LHFPL3: variants seen among roughly 807,000 people sequenced by gnomAD.
LHFPL3 encodes LHFPL tetraspan subfamily member 3 protein.
LHFPL3 carries 5 observed loss-of-function variants against 19.3 expected under a neutral mutation model. The observed-to-expected ratio is 0.26, with a 90% CI of 0.14 to 0.54. The LOEUF is 0.54. Ranked by LOEUF, LHFPL3 falls within the 20% of genes least tolerant of loss-of-function variation. The pLI is 0.94. For synonymous variants in LHFPL3, 133 were observed against 126.2 expected (o/e 1.05, Z -0.36); for missense variants, 249 against 307.4 (o/e 0.81, Z 1.42).
At chr7:104,435,145 T>G (rs1430801429) in intron 1 of LHFPL3, among the ~76,000 whole-genome samples, 2 of 152,026 alleles carry the variant, frequency 1.3e-5, no homozygotes, top group African/African-American at 4.8e-5. Context: ...AATGTTCTCT[T>G]TATTATTTAT....
intron 2 of LHFPL3, among the ~76,000 whole-genome samples, chr7:104,836,634 A>G (rs889110384): frequency 6.6e-6 from 1 of 152,204 alleles, no homozygotes; most frequent in African/African-American, 2.4e-5. Flanking sequence ...TATCAGGGCT[A>G]CGGTGCCATG....
At chr7:104,824,423 T>C (rs1299976113) in intron 2 of LHFPL3, among the ~76,000 whole-genome samples, 3 of 59,550 alleles carry the variant, frequency 5.0e-5, no homozygotes, top group African/African-American at 7.0e-5. Context: ...ATTTTATATA[T>C]AATATATATA....
intron 1 of LHFPL3, among the ~76,000 whole-genome samples, chr7:104,603,557 A>G (rs1307477599): frequency 6.6e-6 from 1 of 152,150 alleles, no homozygotes; most frequent in Non-Finnish European, 1.5e-5. Flanking sequence ...CCAAAGTCTC[A>G]TCTAAATCAG....
In LHFPL3 at chr7:104,726,554, C is replaced by G. The variant is rs528047297; in HGVS notation, c.446-10121C>G. Among the ~76,000 whole-genome samples the G allele has an allele frequency of 3.3e-5, 5 of 152,244 alleles. No homozygotes were observed. The South Asian group carries it at 1.0e-3, about 32-fold the overall frequency. ...GTGTCTATGTGTTCACATTGTTCAA[C>G]TCCTGCTTGTAAGTGAGACCATGCA... On this transcript the variant is annotated intron_variant, in intron 1 of 2. Transcript: ENST00000424859.
At chr7:104,597,570 G>A (rs193183325) in intron 1 of LHFPL3, among the ~76,000 whole-genome samples, 1 of 152,280 alleles carries the variant, frequency 6.6e-6, no homozygotes, top group East Asian at 1.9e-4. Context: ...ATGGTGGGGG[G>A]AGGGGAATGT....
intron 2 of LHFPL3, among the ~76,000 whole-genome samples, chr7:104,856,936 G>A (rs1791516958): frequency 6.6e-6 from 1 of 152,158 alleles, no homozygotes; most frequent in African/African-American, 2.4e-5. Context: ...TGCAAGAATA[G>A]GATGAAAAGT....
intron 1 of LHFPL3, among the ~76,000 whole-genome samples, chr7:104,618,678 A>T (rs1344742124): frequency 3.3e-5 from 5 of 152,214 alleles, no homozygotes; most frequent in Admixed American, 3.3e-4. Flanking sequence ...TAAAAAAAAA[A>T]AAGTTCTTGT....
intron 1 of LHFPL3, among the ~76,000 whole-genome samples, chr7:104,347,747 T>TA (rs1790097974): frequency 6.6e-6 from 1 of 151,836 alleles, no homozygotes; most frequent in Non-Finnish European, 1.5e-5. Flanking sequence ...CAAAAATTAG[T>TA]CGGGCGTGGT....
chr7:104,587,652 G>A (rs1185029582), intron 1 of LHFPL3, among the ~76,000 whole-genome samples: 2 of 151,924 alleles, frequency 1.3e-5, no homozygotes, highest in African/African-American at 2.4e-5. Flanking sequence ...GGATGGCTGG[G>A]TCAAATGGTA....
At chr7:104,843,601 C>T (rs1791255481) in intron 2 of LHFPL3, among the ~76,000 whole-genome samples, 1 of 152,320 alleles carries the variant, frequency 6.6e-6, no homozygotes, top group East Asian at 1.9e-4. Flanking sequence ...ATACTCACAT[C>T]CTGAAAAGAG....
intron 1 of LHFPL3, among the ~76,000 whole-genome samples, chr7:104,407,463 C>T (rs1791439322): frequency 6.6e-6 from 1 of 152,158 alleles, no homozygotes; most frequent in Non-Finnish European, 1.5e-5. Context: ...TTGAGACCAG[C>T]ATGGCCTACA....
At chr7:104,654,008 T>A (rs2115952719) in intron 1 of LHFPL3, among the ~76,000 whole-genome samples, 1 of 152,082 alleles carries the variant, frequency 6.6e-6, no homozygotes, top group East Asian at 1.9e-4. Context: ...ATGCTCACAT[T>A]AAAAATATCT....
At chr7:104,608,538 C>T (rs1365906705) in intron 1 of LHFPL3, among the ~76,000 whole-genome samples, 1 of 150,502 alleles carries the variant, frequency 6.6e-6, no homozygotes, top group Admixed American at 6.6e-5. Context: ...GGAGATATAC[C>T]TAATGCTAAA....
intron 2 of LHFPL3, among the ~76,000 whole-genome samples, chr7:104,764,390 C>G (rs1794422103): frequency 6.6e-6 from 1 of 152,132 alleles, no homozygotes; most frequent in African/African-American, 2.4e-5. Flanking sequence ...AGGCTGGTCT[C>G]AAACTCTTGA....
At chr7:104,593,318 GGT>G (rs1489511881) in intron 1 of LHFPL3, among the ~76,000 whole-genome samples, 3 of 152,096 alleles carry the variant, frequency 2.0e-5, no homozygotes, top group Non-Finnish European at 4.4e-5. Flanking sequence ...TTCAGGAGCA[GGT>G]TGTTCAGTTT....
chr7:104,628,967 C>T (rs540413601), intron 1 of LHFPL3, among the ~76,000 whole-genome samples: 8 of 152,284 alleles, frequency 5.3e-5, no homozygotes, highest in African/African-American at 1.9e-4. Context: ...CAAACATTAA[C>T]TTAAAATGCC....
In LHFPL3 at chr7:104,711,123, CA is replaced by C. The variant is rs750878257; in HGVS notation, c.446-25549del. 2.8e-4 allele frequency among the ~76,000 whole-genome samples: 42 copies of C among 152,286 alleles called. 1 individual carries two copies. The Middle Eastern group carries it at 0.014, about 49-fold the overall frequency. On this transcript the variant is annotated intron_variant, in intron 1 of 2. Coordinates refer to ENST00000424859, the MANE Select transcript of LHFPL3 (RefSeq NM_199000.3). ...CTCTTTTTCAAACTTTCATATGTGTCAAATGGCAAAAGTTTCAGGGAAATTT... is the reference window on the plus strand; with the variant it reads ...CTCTTTTTCAAACTTTCATATGTGTCAATGGCAAAAGTTTCAGGGAAATTT...
intron 1 of LHFPL3, among the ~76,000 whole-genome samples, chr7:104,537,646 A>G (rs542607288): frequency 6.6e-6 from 1 of 152,334 alleles, no homozygotes; most frequent in South Asian, 2.1e-4. Flanking sequence ...TTCAAAATGC[A>G]TCTGTCAATT....
In LHFPL3 at chr7:104,329,056, A is replaced by G; in HGVS notation, c.277A>G (p.Ser93Gly). 6.2e-7 allele frequency: 1 copy of G among 1,614,020 alleles called. No homozygotes were observed. Among genetic ancestry groups the G allele is most frequent in the Non-Finnish European group, 8.5e-7 (1 of 1,179,900 alleles). The change falls in exon 1 of 3, where the codon AGC becomes GGC. Residue 93 changes from serine to glycine, a missense_variant. Coordinates refer to ENST00000424859, the MANE Select transcript of LHFPL3 (RefSeq NM_199000.3). Reference sequence around the variant, plus strand: ...CTCCCGGGAGCTGACCTGCAGGGGCAGCTTCACGGACTTCTCCACGCTGCC... The same window carrying G: ...CTCCCGGGAGCTGACCTGCAGGGGCGGCTTCACGGACTTCTCCACGCTGCC... Reference protein sequence around the residue: ...GFSRELTCRGSFTDFSTLPSG... With the variant: ...GFSRELTCRGGFTDFSTLPSG...
Sources: allele counts gnomAD v4.1 joint callset (sites outside exome capture counted in the v4.1 genomes callset), GRCh38; gene constraint gnomAD v4.1.1; transcripts MANE v1.5; gene names NCBI Gene and HGNC (gene_info 2026-07-23, HGNC 2026-07-21).